The following HDAC9 variants were observed in gnomAD, a reference collection of about 807,000 sequenced individuals.
HDAC9 encodes the protein histone deacetylase 9.
A neutral mutation model predicts 139.4 loss-of-function variants in HDAC9; 41 were observed. The observed-to-expected ratio is 0.29, with a 90% CI of 0.23 to 0.38. The LOEUF (loss-of-function observed/expected upper bound fraction) is 0.38. Among genes scored for constraint, HDAC9 ranks in the 10% least tolerant of loss-of-function variants. The pLI, the probability that HDAC9 is intolerant of heterozygous loss-of-function variation, is 1.00. For synonymous variants in HDAC9, 517 were observed against 476.2 expected, an observed-to-expected ratio of 1.09 and a Z score of -1.12; for missense variants, 1,147 against 1,297.0, an observed-to-expected ratio of 0.88 and a Z score of 1.78.
chr7:18,796,904 G>C (rs1792852456), intron 17 of HDAC9, among the ~76,000 whole-genome samples: 1 of 152,210 alleles, frequency 6.6e-6, no homozygotes, highest in Admixed American at 6.5e-5. Context: ...AATAGTCAAA[G>C]TTGCTTTTAG....
intron 2 of HDAC9, among the ~76,000 whole-genome samples, chr7:18,184,513 A>T (rs936480345): frequency 6.6e-6 from 1 of 152,250 alleles, no homozygotes; most frequent in Non-Finnish European, 1.5e-5. Context: ...AGGTAATTTT[A>T]TTCAATATTT....
chr7:18,781,507 T>C (rs1333306218), intron 16 of HDAC9, among the ~76,000 whole-genome samples: 2 of 152,090 alleles, frequency 1.3e-5, no homozygotes, highest in Non-Finnish European at 2.9e-5. Flanking sequence ...TGCCCCAATC[T>C]TACCCACTAT....
intron 16 of HDAC9, among the ~76,000 whole-genome samples, chr7:18,776,241 C>A (rs1348451583): frequency 1.3e-5 from 2 of 152,150 alleles, no homozygotes; most frequent in Admixed American, 6.5e-5. Flanking sequence ...CTGTGCCTGG[C>A]AAATTCTCAT....
At chr7:18,244,136 C>T (rs917137929) in intron 2 of HDAC9, among the ~76,000 whole-genome samples, 8 of 151,870 alleles carry the variant, frequency 5.3e-5, no homozygotes, top group Non-Finnish European at 7.4e-5. Context: ...TTCCCAAATA[C>T]GAACAAGTGA....
chr7:18,585,071 T>C (rs531575351), intron 2 of HDAC9, among the ~76,000 whole-genome samples: 6 of 152,174 alleles, frequency 3.9e-5, no homozygotes, highest in Admixed American at 1.3e-4. Flanking sequence ...AGAGTGCAAA[T>C]TGCTGAATGA....
At chr7:18,827,714 A>G (rs1795560573) in intron 17 of HDAC9, among the ~76,000 whole-genome samples, 1 of 152,214 alleles carries the variant, frequency 6.6e-6, no homozygotes, top group African/African-American at 2.4e-5. Context: ...TGGTTGATCT[A>G]ATCATAAAAG....
intron 1 of HDAC9, among the ~76,000 whole-genome samples, chr7:18,293,484 A>G (rs182421860): frequency 1.1e-4 from 16 of 152,228 alleles, no homozygotes; most frequent in African/African-American, 3.9e-4. Context: ...CAGGAAGGGG[A>G]ACATCACACA....
intron 24 of HDAC9, among the ~76,000 whole-genome samples, chr7:18,970,080 A>G (rs1784148434): frequency 6.6e-6 from 1 of 152,164 alleles, no homozygotes; most frequent in Non-Finnish European, 1.5e-5. Context: ...GATAAATTAA[A>G]AATGCTAAAA....
chr7:18,391,381 TCC>T (rs573338311), intron 1 of HDAC9, among the ~76,000 whole-genome samples: 47 of 144,202 alleles, frequency 3.3e-4, no homozygotes, highest in South Asian at 1.3e-3. Flanking sequence ...CGAGACGCCA[TCC>T]CCCCCCCAAA....
chr7:18,446,397 G>A (rs546074509), intron 1 of HDAC9, among the ~76,000 whole-genome samples: 1 of 152,196 alleles, frequency 6.6e-6, no homozygotes, highest in Admixed American at 6.5e-5. Context: ...AGAAGAAAGT[G>A]TTGAGCATAG....
intron 1 of HDAC9, among the ~76,000 whole-genome samples, chr7:18,393,852 T>G (rs1431286673): frequency 6.6e-6 from 1 of 152,212 alleles, no homozygotes; most frequent in African/African-American, 2.4e-5. Flanking sequence ...TACAGGCTGC[T>G]TAAAAGCCAC....
At chr7:18,565,084 C>T (rs1821867176) in intron 2 of HDAC9, among the ~76,000 whole-genome samples, 1 of 152,006 alleles carries the variant, frequency 6.6e-6, no homozygotes. Flanking sequence ...GCAACCTCTG[C>T]CTCCCGGGTT....
chr7:18,874,118 T>G (rs763459722), intron 21 of HDAC9, among the ~76,000 whole-genome samples: 3 of 152,062 alleles, frequency 2.0e-5, no homozygotes, highest in African/African-American at 4.8e-5. Flanking sequence ...GCTTTGACTT[T>G]CCTCTGTAAA....
intron 24 of HDAC9, among the ~76,000 whole-genome samples, chr7:18,969,154 G>A (rs1256254702): frequency 1.3e-5 from 2 of 151,716 alleles, no homozygotes; most frequent in Non-Finnish European, 2.9e-5. Flanking sequence ...ACATATATAA[G>A]GTGAAACTCC....
chr7:18,730,004 C>A (rs1785903581), intron 13 of HDAC9, among the ~76,000 whole-genome samples: 1 of 152,128 alleles, frequency 6.6e-6, no homozygotes, highest in Admixed American at 6.5e-5. Flanking sequence ...TTACAAGTTA[C>A]AATAACTAAG....
At chr7:18,887,356 C>A (rs1800251239) in intron 22 of HDAC9, among the ~76,000 whole-genome samples, 1 of 152,106 alleles carries the variant, frequency 6.6e-6, no homozygotes. Context: ...GCTTTGAGAA[C>A]CACTGGGCTA....
At chr7:18,129,550 A>G (rs927860411) in intron 1 of HDAC9, among the ~76,000 whole-genome samples, 4 of 152,188 alleles carry the variant, frequency 2.6e-5, no homozygotes, top group African/African-American at 4.8e-5. Flanking sequence ...TTTTAATACA[A>G]TATTAAAACC....
At chr7:18,932,607 G>C (rs1804843454) in intron 22 of HDAC9, among the ~76,000 whole-genome samples, 1 of 151,842 alleles carries the variant, frequency 6.6e-6, no homozygotes, top group East Asian at 1.9e-4. Context: ...AGAAGGGGAG[G>C]GAATTTAACT....
chr7:18,407,248 A>C (rs970226398), intron 1 of HDAC9, among the ~76,000 whole-genome samples: 2 of 152,204 alleles, frequency 1.3e-5, no homozygotes, highest in Non-Finnish European at 1.5e-5. Context: ...CTCTATATCT[A>C]GAAAAACTCC....
Sources: allele counts gnomAD v4.1 joint callset (sites outside exome capture counted in the v4.1 genomes callset), GRCh38; gene constraint gnomAD v4.1.1; transcripts MANE v1.5; gene names NCBI Gene and HGNC (gene_info 2026-07-23, HGNC 2026-07-21).